Variants in NRXN3 observed in about 807,000 individuals in gnomAD.
The protein encoded by NRXN3 is neurexin III.
Under a neutral mutation model 137.6 loss-of-function variants are expected in NRXN3, and 32 were observed. The ratio of observed to expected loss-of-function variants is 0.23; its 90% CI spans 0.18 to 0.31. The LOEUF (loss-of-function observed/expected upper bound fraction) is 0.31, where lower values mean the gene tolerates loss of function less well. Among genes scored for constraint, NRXN3 ranks in the 10% least tolerant of loss-of-function variants. NRXN3 has a pLI of 1.00. For missense variants in NRXN3, 1,574 were observed against 2,062.5 expected, an observed-to-expected ratio of 0.76 and a Z score of 4.59; for synonymous variants, 798 against 784.5, an observed-to-expected ratio of 1.02 and a Z score of -0.29.
intron 8 of NRXN3, among the ~76,000 whole-genome samples, chr14:78,731,091 T>C (rs993961085): frequency 6.6e-6 from 1 of 152,178 alleles, no homozygotes; most frequent in African/African-American, 2.4e-5. Context: ...TTTTCTTATG[T>C]GGAGAACATG....
intron 15 of NRXN3, among the ~76,000 whole-genome samples, chr14:79,171,282 G>A (rs1033734737): frequency 5.3e-5 from 8 of 152,082 alleles, no homozygotes; most frequent in East Asian, 3.9e-4. Context: ...TCTGTCTTCC[G>A]TGAGGGTTAT....
At chr14:79,704,414 A>G (rs991313831) in intron 19 of NRXN3, among the ~76,000 whole-genome samples, 1 of 152,136 alleles carries the variant, frequency 6.6e-6, no homozygotes, top group African/African-American at 2.4e-5. Flanking sequence ...AAAACTGGTT[A>G]TATTTACCCA....
chr14:78,315,142 C>T (rs1327217511), intron 4 of NRXN3, among the ~76,000 whole-genome samples: 2 of 151,372 alleles, frequency 1.3e-5, no homozygotes, highest in Admixed American at 6.6e-5. Flanking sequence ...CTCCTGAGTA[C>T]CTGGGATTAC....
intron 4 of NRXN3, among the ~76,000 whole-genome samples, chr14:78,385,733 A>G (rs1409500179): frequency 6.6e-6 from 1 of 152,194 alleles, no homozygotes; most frequent in Non-Finnish European, 1.5e-5. Flanking sequence ...ACATCTAAGA[A>G]TCCTCTTCTT....
At chr14:78,598,616 G>T (rs1456335305) in intron 4 of NRXN3, among the ~76,000 whole-genome samples, 2 of 152,214 alleles carry the variant, frequency 1.3e-5, no homozygotes, top group Non-Finnish European at 2.9e-5. Flanking sequence ...CTAGCAAACA[G>T]ATATCATTAT....
intron 10 of NRXN3, among the ~76,000 whole-genome samples, chr14:78,849,579 T>C (rs1163421685): frequency 6.6e-6 from 1 of 152,162 alleles, no homozygotes; most frequent in Admixed American, 6.6e-5. Flanking sequence ...ACGCTAAAAA[T>C]GTTGTTTAAA....
chr14:79,333,029 A>AC (rs763415877), intron 15 of NRXN3, among the ~76,000 whole-genome samples: 3 of 151,730 alleles, frequency 2.0e-5, no homozygotes, highest in Non-Finnish European at 4.4e-5. Flanking sequence ...ACTCCCCTGC[A>AC]CCCCCCTGCT....
chr14:79,136,783 T>G (rs192661623), intron 15 of NRXN3, among the ~76,000 whole-genome samples: 26 of 152,324 alleles, frequency 1.7e-4, no homozygotes, highest in Admixed American at 1.3e-3. Flanking sequence ...AAGGAATTCT[T>G]AAGGATATAA....
At chr14:79,454,947 C>A (rs1567172980) in intron 15 of NRXN3, among the ~76,000 whole-genome samples, 2 of 152,014 alleles carry the variant, frequency 1.3e-5, no homozygotes, top group African/African-American at 2.4e-5. Flanking sequence ...AAATGCTATT[C>A]AAAAAATGTT....
At chr14:79,732,205 A>G (rs1320602520) in intron 19 of NRXN3, among the ~76,000 whole-genome samples, 2 of 152,096 alleles carry the variant, frequency 1.3e-5, no homozygotes, top group East Asian at 1.9e-4. Context: ...TTTTTACTGT[A>G]ATGAATCTAT....
At chr14:78,468,064 C>T (rs1382762492) in intron 4 of NRXN3, among the ~76,000 whole-genome samples, 1 of 152,120 alleles carries the variant, frequency 6.6e-6, no homozygotes, top group Non-Finnish European at 1.5e-5. Context: ...GCTGCGATTA[C>T]AGGGGCCCGC....
chr14:78,874,953 C>T (rs368943396), intron 10 of NRXN3, among the ~76,000 whole-genome samples: 6 of 152,252 alleles, frequency 3.9e-5, no homozygotes, highest in East Asian at 1.9e-4. Flanking sequence ...AACTGTGGGA[C>T]GGACTTTAGA....
At position 78,745,651 on chromosome 14, in the gene NRXN3, T is replaced by C. The variant is rs139979385; in HGVS notation, c.2044+30512T>C. 6.4e-4 allele frequency among the ~76,000 whole-genome samples: 97 copies of C among 152,358 alleles called. 1 individual carries two copies. The highest frequency in any genetic ancestry group is 2.2e-3 in the African/African-American group (93 of 41,586). On this transcript the variant is annotated intron_variant, in intron 8 of 20. Coordinates refer to ENST00000335750, the MANE Select transcript of NRXN3 (RefSeq NM_001330195.2). ...TATAGGGCATGGTGCCAGGCACAGT[T>C]TATTTGTTTTATTCTATATGCTGAT...
At chr14:79,758,165 C>G (rs1409659270) in intron 19 of NRXN3, among the ~76,000 whole-genome samples, 1 of 152,172 alleles carries the variant, frequency 6.6e-6, no homozygotes, top group East Asian at 1.9e-4. Context: ...AGGTTGATTT[C>G]TAATTCCCTC....
In NRXN3 at chr14:79,536,935, C is replaced by T. The variant is rs117173202; in HGVS notation, c.3444+69533C>T. Among the ~76,000 whole-genome samples the T allele has an allele frequency of 9.7e-3, 1,476 of 152,078 alleles. 63 individuals carry two copies. In the East Asian group the frequency reaches 0.13, roughly 13 times the overall value. ...CAATGAACATATGTGTGCATGTATC[C>T]TTATAACAGAATGATTTATGTTCCT... On this transcript the variant is annotated intron_variant, in intron 16 of 20. Transcript: ENST00000335750.
At chr14:79,305,968 G>A (rs2085977007) in intron 15 of NRXN3, among the ~76,000 whole-genome samples, 5 of 152,054 alleles carry the variant, frequency 3.3e-5, no homozygotes, top group Admixed American at 2.0e-4. Flanking sequence ...GAAACTTCAA[G>A]AACAATATAT....
chr14:79,249,369 A>G lies in NRXN3; in HGVS notation c.3263-217852A>G, dbSNP rs554206259. Among the ~76,000 whole-genome samples, 226 of 152,316 alleles carry G rather than the reference A, an allele frequency of 1.5e-3. 2 individuals carry two copies. Among genetic ancestry groups the G allele is most frequent in the African/African-American group, 5.0e-3 (209 of 41,584 alleles). On this transcript the variant is annotated intron_variant, in intron 15 of 20. Transcript: ENST00000335750. ...AGGGGCATAGCAATCAGGGTCCCAA[A>G]GGAAAGAAGGCATACACAAAATGGT...
intron 15 of NRXN3, among the ~76,000 whole-genome samples, chr14:79,290,793 T>C (rs893709908): frequency 1.3e-5 from 2 of 152,160 alleles, no homozygotes; most frequent in African/African-American, 4.8e-5. Context: ...AGCAAAAGCA[T>C]TGCGGCTTCT....
intron 4 of NRXN3, among the ~76,000 whole-genome samples, chr14:78,629,652 T>C (rs1448934708): frequency 3.9e-5 from 6 of 152,212 alleles, no homozygotes; most frequent in African/African-American, 1.2e-4. Context: ...CAGAGGACAC[T>C]TGTGATCCCA....
Sources: gnomAD v4.1 joint callset for allele counts (sites outside exome capture counted in the v4.1 genomes callset) on GRCh38, gnomAD v4.1.1 for gene constraint, MANE v1.5 for transcripts, NCBI Gene and HGNC (gene_info 2026-07-23, HGNC 2026-07-21) for gene names.